The following SLC12A9 variants were observed in gnomAD, a reference collection of about 807,000 sequenced individuals.
SLC12A9 encodes the protein solute carrier family 12 member 9.
Under a neutral mutation model 66.0 loss-of-function variants are expected in SLC12A9, and 55 were observed. The observed-to-expected ratio is 0.83, with a 90% CI of 0.67 to 1.04. The LOEUF is 1.04. Ranked by LOEUF, SLC12A9 falls within the 50% of genes least tolerant of loss-of-function variation. SLC12A9 has a pLI of 0.00. For missense variants in SLC12A9, 1,061 were observed against 1,241.9 expected (o/e 0.85, Z 2.19); for synonymous variants, 577 against 569.0 (o/e 1.01, Z -0.20).
At chr7:100,847,592 A>G (rs183248107) in intron 1 of SLC12A9, among the ~76,000 whole-genome samples, 1 of 152,220 alleles carries the variant, frequency 6.6e-6, no homozygotes, top group East Asian at 1.9e-4. Flanking sequence ...CTTGGGTGGT[A>G]AAATGTGGTT....
chr7:100,860,410 G>A (rs953082527), intron 9 of SLC12A9, 178 bp downstream of exon 9: 2 of 662,628 alleles, frequency 3.0e-6, no homozygotes, highest in Non-Finnish European at 5.1e-6. Context: ...CTTGCAGGTT[G>A]CCCCAGTGCT....
chr7:100,859,856 A>G (rs772316797), intron 7 of SLC12A9, 29 bp from the exon 8 acceptor site: 1 of 1,579,014 alleles, frequency 6.3e-7, no homozygotes, highest in East Asian at 2.3e-5. Flanking sequence ...ACGCATGATC[A>G]TCCGTGTCCT....
chr7:100,841,132 ATTG>A (rs764050695), intron 1 of SLC12A9, among the ~76,000 whole-genome samples: 5 of 152,154 alleles, frequency 3.3e-5, no homozygotes, highest in African/African-American at 4.8e-5. Flanking sequence ...TATATAGTAA[ATTG>A]TTGTCCTGAA....
chr7:100,857,852 T>C (rs1209707744), intron 5 of SLC12A9: 1 of 152,368 alleles, frequency 6.6e-6, no homozygotes, highest in African/African-American at 2.4e-5. Context: ...GAGCCGAGAT[T>C]GTGCCATTCA....
chr7:100,866,695 CCG>C lies in SLC12A9; in HGVS notation c.*91_*92del. Reference sequence around the variant, plus strand: ...AGGAGGAAGAGGAGGCCACTGTGGCCCGTGGCCCTGCCCTTGGGACGTGGAGC... The same window carrying C: ...AGGAGGAAGAGGAGGCCACTGTGGCCTGGCCCTGCCCTTGGGACGTGGAGC... On this transcript the variant is annotated 3_prime_UTR_variant, in exon 14 of 14. Coordinates refer to ENST00000354161, the MANE Select transcript of SLC12A9 (RefSeq NM_020246.4). This position sits in a 1 kb window ranked among gnomAD's most constrained non-coding sequence, Gnocchi z 7.3. 1 of 1,348,842 alleles carries C rather than the reference CCG, an allele frequency of 7.4e-7. No individual in the cohort carries two copies. Among genetic ancestry groups the C allele is most frequent in the Non-Finnish European group, 9.7e-7 (1 of 1,027,150 alleles). The allele number at this position is 1,348,842 out of a possible 1,614,324, so 83.6% of individuals were successfully genotyped here. A position where few individuals can be genotyped will look rare whatever the true frequency, so the allele number is the denominator to read the frequency against.
intron 1 of SLC12A9, among the ~76,000 whole-genome samples, chr7:100,833,932 CAAAAAA>C (rs60667059): frequency 3.2e-5 from 2 of 63,076 alleles, no homozygotes; most frequent in Non-Finnish European, 6.3e-5. Flanking sequence ...GACTCTGTCT[CAAAAAA>C]AAAAAAAAAA....
At chr7:100,854,870 A>T (rs1814288346) in intron 3 of SLC12A9, 116 bp downstream of exon 3, 1 of 1,460,734 alleles carries the variant, frequency 6.8e-7, no homozygotes, top group African/African-American at 1.4e-5. Flanking sequence ...TTTCATTCTT[A>T]AAATTTTTTT....
At chr7:100,858,005 A>G (rs1166600501) in intron 5 of SLC12A9, 1 of 152,154 alleles carries the variant, frequency 6.6e-6, no homozygotes, top group Admixed American at 6.5e-5. Context: ...AGTCCCAGCT[A>G]CTCAGGAGGC....
chr7:100,854,391 T>C lies in SLC12A9; in HGVS notation c.181+13T>C. 1 of 1,612,188 alleles carries C rather than the reference T, an allele frequency of 6.2e-7. No individual in the cohort carries two copies. Among genetic ancestry groups the C allele is most frequent in the Non-Finnish European group, 8.5e-7 (1 of 1,179,500 alleles). ...TTTCTGAGGATTGGTGAGTGGGTCC[T>C]GGGGCGGGTGTGGACTGACTATAGT... On this transcript the variant is annotated intron_variant, in intron 2 of 13. Transcript: ENST00000354161.
chr7:100,864,516 C>G (rs1387824405), intron 13 of SLC12A9, among the ~76,000 whole-genome samples: 1 of 130,666 alleles, frequency 7.7e-6, no homozygotes, highest in South Asian at 2.6e-4. Context: ...TGGAAGAGGT[C>G]TCTGCGTCTC....
chr7:100,854,554 A>T lies in SLC12A9; in HGVS notation c.182-66A>T. 6 of 1,607,770 alleles carry T rather than the reference A, an allele frequency of 3.7e-6. No homozygotes were observed. The South Asian group carries it at 6.6e-5, about 18-fold the overall frequency. On this transcript the variant is annotated intron_variant, in intron 2 of 13. Coordinates refer to ENST00000354161, the MANE Select transcript of SLC12A9 (RefSeq NM_020246.4). ...ATTTAGCTCCACCCTGGAGCTCTGC[A>T]GAACCAGGGGGTGGGGGATATGGGG...
At chr7:100,842,758 G>C (rs1005758471) in intron 1 of SLC12A9, among the ~76,000 whole-genome samples, 2 of 152,250 alleles carry the variant, frequency 1.3e-5, no homozygotes, top group Non-Finnish European at 2.9e-5. Flanking sequence ...TTATGCTTGT[G>C]CACATGGCAG....
At chr7:100,865,371 C>A (rs1327605084) in intron 13 of SLC12A9, 4 of 1,535,958 alleles carry the variant, frequency 2.6e-6, no homozygotes, top group Non-Finnish European at 3.5e-6. Context: ...GTCAAACTCG[C>A]ATCCCCTGCC....
At chr7:100,852,083 C>T (rs1406957511), upstream of SLC12A9, among the ~76,000 whole-genome samples, 2 of 152,154 alleles carry the variant, frequency 1.3e-5, no homozygotes, top group Non-Finnish European at 2.9e-5. Context: ...GGAGTCTCAG[C>T]TCTCAGTAGA....
chr7:100,834,997 G>A (rs147117274), intron 1 of SLC12A9, among the ~76,000 whole-genome samples: 2,202 of 151,874 alleles, frequency 0.014, 48 homozygotes, highest in African/African-American at 0.051. Flanking sequence ...TCACACCACT[G>A]CACTGCAGCC....
chr7:100,840,670 G>A (rs1278456772), intron 1 of SLC12A9, among the ~76,000 whole-genome samples: 1 of 151,312 alleles, frequency 6.6e-6, no homozygotes, highest in African/African-American at 2.4e-5. Context: ...AGAAAGAAAT[G>A]CAGAGAGAGA....
intron 3 of SLC12A9, 142 bp from the exon 4 acceptor site, chr7:100,855,564 C>A: frequency 3.0e-6 from 3 of 990,286 alleles, no homozygotes; most frequent in Non-Finnish European, 4.6e-6. Context: ...CAGAAACTGG[C>A]ACTCAGAGGA....
At position 100,859,956 on chromosome 7, in the gene SLC12A9, T is replaced by C. The variant is rs80308281; in HGVS notation, c.1049T>C (p.Ile350Thr). Residue 350 changes from isoleucine (I) to threonine (T), a missense_variant, in exon 8 of 14, where the codon ATC becomes ACC. Transcript: ENST00000354161. ...TGGCCCCCACTGGTGTTGATCGGAATCTATGCCACAGCGCTCTCAGCGTCC... is the reference window on the plus strand; with the variant it reads ...TGGCCCCCACTGGTGTTGATCGGAACCTATGCCACAGCGCTCTCAGCGTCC... ...SLWPPLVLIG[I>T]YATALSASMS... 3.8e-3 allele frequency: 6,191 copies of C among 1,612,976 alleles called. 15 individuals carry two copies. The highest frequency in any genetic ancestry group is 4.9e-3 in the Non-Finnish European group (5,727 of 1,178,992).
Position 100,865,770 on chromosome 7 carries a change from C to G in SLC12A9, c.1910C>G (p.Pro637Arg), listed in dbSNP as rs374398396. 2.5e-6 allele frequency: 4 copies of G among 1,613,982 alleles called. No homozygotes were observed. The highest frequency in any genetic ancestry group is 1.3e-5 in the African/African-American group (1 of 75,054). Residue 637 changes from proline to arginine, a missense_variant, in exon 14 of 14, where the codon CCG becomes CGG. Coordinates refer to ENST00000354161, the MANE Select transcript of SLC12A9 (RefSeq NM_020246.4). ...CTAGGTTTCTACGATGACGCTCCAC[C>G]GCAGGACCATTTCCTGACGGACCCG... The part of the protein sequence containing the change: ...LVLGFYDDAP[P>R]QDHFLTDPAF...
Sources: allele counts gnomAD v4.1 joint callset (sites outside exome capture counted in the v4.1 genomes callset), GRCh38; gene constraint gnomAD v4.1.1; non-coding constraint Gnocchi (gnomAD v3.1); transcripts MANE v1.5; gene names NCBI Gene and HGNC (gene_info 2026-07-23, HGNC 2026-07-21).